MAGI3: variants seen among roughly 807,000 people sequenced by gnomAD.
The protein encoded by MAGI3 is membrane associated guanylate kinase, WW and PDZ domain containing 3, also known as membrane-associated guanylate kinase, WW and PDZ domain-containing protein 3.
MAGI3 carries 43 observed loss-of-function variants against 121.8 expected under a neutral mutation model. The observed-to-expected ratio is 0.35, with a 90% CI of 0.28 to 0.46. The LOEUF (loss-of-function observed/expected upper bound fraction) is 0.46. Ranked by LOEUF, MAGI3 falls within the 20% of genes least tolerant of loss-of-function variation. The pLI is 1.00. For synonymous variants in MAGI3, 553 were observed against 639.3 expected, an observed-to-expected ratio of 0.86 and a Z score of 2.04; for missense variants, 1,547 against 1,797.3, an observed-to-expected ratio of 0.86 and a Z score of 2.52.
intron 1 of MAGI3, among the ~76,000 whole-genome samples, chr1:113,546,726 G>A (rs999769445): frequency 1.3e-5 from 2 of 151,702 alleles, no homozygotes; most frequent in African/African-American, 2.4e-5. Context: ...AGAAATGAAC[G>A]GTGAAAAACA....
chr1:113,489,767 A>G (rs560516687), intron 1 of MAGI3, among the ~76,000 whole-genome samples: 1 of 152,230 alleles, frequency 6.6e-6, no homozygotes, highest in African/African-American at 2.4e-5. Flanking sequence ...TAATAGCAGA[A>G]TAGACCAAGC....
intron 1 of MAGI3, among the ~76,000 whole-genome samples, chr1:113,412,120 G>C (rs1376857091): frequency 6.8e-6 from 1 of 148,056 alleles, no homozygotes; most frequent in Non-Finnish European, 1.5e-5. Flanking sequence ...AGAACATGCA[G>C]TGTTTGGTTT....
intron 1 of MAGI3, among the ~76,000 whole-genome samples, chr1:113,546,925 C>T (rs10858003): frequency 0.66 from 99,208 of 151,256 alleles, 35,498 homozygotes; most frequent in East Asian, 0.93. Flanking sequence ...TACTAAAAAA[C>T]ACAAAAAATT....
chr1:113,510,383 A>G (rs1657554520), intron 1 of MAGI3, among the ~76,000 whole-genome samples: 1 of 138,872 alleles, frequency 7.2e-6, no homozygotes, highest in Admixed American at 7.5e-5. Context: ...TACATTCTGG[A>G]TAATATTATC....
chr1:113,649,112 A>G (rs1392860698), intron 12 of MAGI3, 125 bp from the exon 13 acceptor site: 4 of 639,790 alleles, frequency 6.3e-6, no homozygotes, highest in African/African-American at 1.9e-5. Context: ...AATTTTCCAT[A>G]TTAAAAAGTT....
chr1:113,600,325 A>G (rs771503958), intron 6 of MAGI3, among the ~76,000 whole-genome samples: 6 of 152,068 alleles, frequency 3.9e-5, no homozygotes, highest in Non-Finnish European at 7.3e-5. Flanking sequence ...AGAAAACCCC[A>G]TTGTCTCAGC....
intron 1 of MAGI3, among the ~76,000 whole-genome samples, chr1:113,504,685 C>A (rs1233563273): frequency 6.6e-6 from 1 of 152,064 alleles, no homozygotes; most frequent in African/African-American, 2.4e-5. Flanking sequence ...TACACATACT[C>A]TATGCTCCAG....
At chr1:113,487,927 C>T (rs989476498) in intron 1 of MAGI3, among the ~76,000 whole-genome samples, 1 of 151,904 alleles carries the variant, frequency 6.6e-6, no homozygotes, top group African/African-American at 2.4e-5. Context: ...AAACATTTTT[C>T]TATTGTTTAA....
At chr1:113,657,724 A>G (rs1166305261) in intron 15 of MAGI3, among the ~76,000 whole-genome samples, 1 of 152,268 alleles carries the variant, frequency 6.6e-6, no homozygotes, top group Non-Finnish European at 1.5e-5. Context: ...GAATCAACTC[A>G]TAATGCCTGA....
At chr1:113,503,894 T>C (rs1453675051) in intron 1 of MAGI3, among the ~76,000 whole-genome samples, 2 of 151,728 alleles carry the variant, frequency 1.3e-5, no homozygotes, top group African/African-American at 4.8e-5. Context: ...CAAGCAGAGG[T>C]TAGGTTATTC....
At chr1:113,463,253 T>C (rs1049547638) in intron 1 of MAGI3, among the ~76,000 whole-genome samples, 1 of 151,640 alleles carries the variant, frequency 6.6e-6, no homozygotes. Context: ...GGTTTCAGTC[T>C]GAGAGTCATC....
intron 9 of MAGI3, among the ~76,000 whole-genome samples, chr1:113,636,507 C>G (rs201459600): frequency 0.014 from 2,057 of 151,874 alleles, 20 homozygotes; most frequent in Non-Finnish European, 0.021. Flanking sequence ...TTCAGGAGCA[C>G]GTTGTTCAGT....
intron 1 of MAGI3, among the ~76,000 whole-genome samples, chr1:113,437,822 TTC>T (rs1653659856): frequency 2.3e-4 from 2 of 8,864 alleles, no homozygotes; most frequent in African/African-American, 1.1e-3. Flanking sequence ...CTTCTTCTTC[TTC>T]TTCTTCTTCT....
At chr1:113,431,198 G>A (rs1010043752) in intron 1 of MAGI3, among the ~76,000 whole-genome samples, 19 of 152,158 alleles carry the variant, frequency 1.2e-4, no homozygotes, top group African/African-American at 4.6e-4. Context: ...TATGCCTATA[G>A]TGCTAGCTAC....
At chr1:113,559,567 C>CTTTTT (rs200737453) in intron 2 of MAGI3, among the ~76,000 whole-genome samples, 8 of 150,594 alleles carry the variant, frequency 5.3e-5, no homozygotes, top group African/African-American at 4.9e-5. Flanking sequence ...CATAAAGTTC[C>CTTTTT]TTTTTTTTGT....
At chr1:113,591,629 T>A (rs1648696734) in intron 5 of MAGI3, among the ~76,000 whole-genome samples, 1 of 152,132 alleles carries the variant, frequency 6.6e-6, no homozygotes, top group African/African-American at 2.4e-5. Flanking sequence ...ATTGATGAGG[T>A]TATACATTTA....
intron 1 of MAGI3, among the ~76,000 whole-genome samples, chr1:113,440,116 ATTTAC>A (rs1557758440): frequency 6.6e-6 from 1 of 152,130 alleles, no homozygotes; most frequent in Non-Finnish European, 1.5e-5. Flanking sequence ...TGTTATCATT[ATTTAC>A]TTTAGAGGAT....
At chr1:113,454,660 G>T (rs1469434962) in intron 1 of MAGI3, among the ~76,000 whole-genome samples, 1 of 151,522 alleles carries the variant, frequency 6.6e-6, no homozygotes, top group Admixed American at 6.6e-5. Context: ...CCCATCCCTC[G>T]ACAGGCCCCG....
chr1:113,567,659 A>G (rs764440718), intron 2 of MAGI3, among the ~76,000 whole-genome samples: 1 of 152,110 alleles, frequency 6.6e-6, no homozygotes, highest in Non-Finnish European at 1.5e-5. Context: ...CTCAATACAG[A>G]AAAGCAAAAT....
Sources: gnomAD v4.1 joint callset for allele counts (sites outside exome capture counted in the v4.1 genomes callset) on GRCh38, gnomAD v4.1.1 for gene constraint, MANE v1.5 for transcripts, NCBI Gene and HGNC (gene_info 2026-07-23, HGNC 2026-07-21) for gene names.